CLNK: variants seen among roughly 807,000 people sequenced by gnomAD.
The protein encoded by CLNK is cytokine-dependent hematopoietic cell linker.
In CLNK, 74 loss-of-function variants were observed where a neutral mutation model predicts 68.6. The ratio of observed to expected loss-of-function variants is 1.08; its 90% confidence interval spans 0.89 to 1.31. The LOEUF is 1.31. Among genes scored for constraint, CLNK ranks in the 50% most tolerant of loss-of-function variants. The pLI is 0.00. For missense variants in CLNK, 553 were observed against 515.3 expected (o/e 1.07, Z -0.71); for synonymous variants, 198 against 172.2 (o/e 1.15, Z -1.17).
chr4:10,659,518 G>C (rs1178012252), intron 2 of CLNK, among the ~76,000 whole-genome samples: 1 of 152,160 alleles, frequency 6.6e-6, no homozygotes, highest in Non-Finnish European at 1.5e-5. Flanking sequence ...TGAAGTATTT[G>C]TTCTCCCCAG....
chr4:10,695,283 T>C, the CLNK span, among the ~76,000 whole-genome samples: 2 of 152,236 alleles, frequency 1.3e-5, no homozygotes, highest in Admixed American at 6.5e-5. Flanking sequence ...TAACCTCACA[T>C]TGTACTCCTT....
intron 4 of CLNK, among the ~76,000 whole-genome samples, chr4:10,575,757 T>C (rs1251210837): frequency 1.3e-5 from 2 of 152,242 alleles, no homozygotes; most frequent in Non-Finnish European, 2.9e-5. Flanking sequence ...TGGAAGCTGT[T>C]GGGTAAAAGG....
chr4:10,624,484 G>A (rs1398209747), intron 2 of CLNK, among the ~76,000 whole-genome samples: 1 of 151,974 alleles, frequency 6.6e-6, no homozygotes, highest in Non-Finnish European at 1.5e-5. Flanking sequence ...AATAGAGACG[G>A]GGTTTCACCG....
chr4:10,662,332 C>G (rs1160162290), intron 2 of CLNK, among the ~76,000 whole-genome samples: 1 of 152,164 alleles, frequency 6.6e-6, no homozygotes, highest in Non-Finnish European at 1.5e-5. Flanking sequence ...ATCTAAATCC[C>G]CTGGGGCCAG....
intron 2 of CLNK, among the ~76,000 whole-genome samples, chr4:10,604,566 A>T (rs1383315552): frequency 5.9e-5 from 9 of 151,608 alleles, no homozygotes; most frequent in African/African-American, 2.4e-5. Flanking sequence ...GGGCACAAAA[A>T]GGCTTCTTGT....
intron 18 of CLNK, among the ~76,000 whole-genome samples, chr4:10,494,751 G>A (rs978481585): frequency 6.6e-6 from 1 of 152,162 alleles, no homozygotes; most frequent in Non-Finnish European, 1.5e-5. Context: ...GAGCCCCCGC[G>A]CCCAGCCTGG....
chr4:10,709,972 C>A, the CLNK span, among the ~76,000 whole-genome samples: 1 of 152,176 alleles, frequency 6.6e-6, no homozygotes, highest in Non-Finnish European at 1.5e-5. Flanking sequence ...ACTCCCCAAG[C>A]AACCCTCAGT....
intron 2 of CLNK, among the ~76,000 whole-genome samples, chr4:10,643,993 G>A (rs1046652956): frequency 1.3e-5 from 2 of 152,206 alleles, no homozygotes; most frequent in Non-Finnish European, 1.5e-5. Flanking sequence ...AAAGTGTTCT[G>A]CATAATATGG....
intron 2 of CLNK, among the ~76,000 whole-genome samples, chr4:10,605,868 G>A (rs6837571): frequency 0.95 from 140,192 of 148,212 alleles, 66,553 homozygotes; most frequent in East Asian, 1. Flanking sequence ...AAAAGAAAAG[G>A]AAGTGGTATA....
intron 2 of CLNK, among the ~76,000 whole-genome samples, chr4:10,646,448 C>T (rs1455724180): frequency 6.6e-6 from 1 of 152,144 alleles, no homozygotes; most frequent in Non-Finnish European, 1.5e-5. Context: ...ATTTGATGTG[C>T]AAAGAGAAAT....
intron 2 of CLNK, among the ~76,000 whole-genome samples, chr4:10,641,124 A>T (rs942430442): frequency 2.6e-5 from 4 of 152,292 alleles, no homozygotes; most frequent in African/African-American, 9.6e-5. Flanking sequence ...TTCTAGCATG[A>T]TTTCGACCCT....
chr4:10,711,545 A>G, the CLNK span, among the ~76,000 whole-genome samples: 1 of 152,222 alleles, frequency 6.6e-6, no homozygotes, highest in East Asian at 1.9e-4. Flanking sequence ...TATTGTTTAG[A>G]AACACTGGTT....
At chr4:10,585,906 A>G (rs1210279930) in intron 3 of CLNK, among the ~76,000 whole-genome samples, 1 of 152,246 alleles carries the variant, frequency 6.6e-6, no homozygotes, top group Non-Finnish European at 1.5e-5. Context: ...CCATTTTGGC[A>G]TCAGGGACCA....
At chr4:10,518,073 C>A (rs1487127344) in intron 15 of CLNK, among the ~76,000 whole-genome samples, 2 of 151,710 alleles carry the variant, frequency 1.3e-5, no homozygotes, top group African/African-American at 2.4e-5. Context: ...TAGGACTCTC[C>A]TAACATGGAG....
intron 8 of CLNK, among the ~76,000 whole-genome samples, chr4:10,546,121 C>T (rs1233764433): frequency 6.6e-6 from 1 of 152,226 alleles, no homozygotes; most frequent in African/African-American, 2.4e-5. Context: ...TAGCCCACTT[C>T]TATCCCTGTT....
intron 2 of CLNK, among the ~76,000 whole-genome samples, chr4:10,604,181 TTCTTACCCCAAA>T (rs1721700125): frequency 6.6e-6 from 1 of 152,228 alleles, no homozygotes; most frequent in Admixed American, 6.5e-5. Flanking sequence ...TAGGGCCCAA[TTCTTACCCCAAA>T]TGACGAAAGA....
the CLNK span, among the ~76,000 whole-genome samples, chr4:10,705,606 A>T: frequency 6.6e-6 from 1 of 152,026 alleles, no homozygotes; most frequent in African/African-American, 2.4e-5. Flanking sequence ...CTCATGTTGT[A>T]TCACTCTCAC....
At chr4:10,591,272 T>G (rs1721168924) in intron 3 of CLNK, among the ~76,000 whole-genome samples, 1 of 152,210 alleles carries the variant, frequency 6.6e-6, no homozygotes, top group East Asian at 1.9e-4. Flanking sequence ...GGAATAGGTA[T>G]GATGGCCTGG....
At chr4:10,697,441 G>A in the CLNK span, 4 of 152,174 alleles carry the variant, frequency 2.6e-5, no homozygotes, top group African/African-American at 9.7e-5. Flanking sequence ...GGGTCTCCAG[G>A]AAATTCCAGT....
Sources: allele counts gnomAD v4.1 joint callset (sites outside exome capture counted in the v4.1 genomes callset), GRCh38; gene constraint gnomAD v4.1.1; transcripts MANE v1.5; gene names NCBI Gene and HGNC (gene_info 2026-07-23, HGNC 2026-07-21).